CYFIP1: variants seen among roughly 807,000 people sequenced by gnomAD.
CYFIP1 encodes cytoplasmic FMR1 interacting protein 1.
In CYFIP1, 58 loss-of-function variants were observed where a neutral mutation model predicts 163.5. The observed-to-expected ratio is 0.35, with a 90% CI of 0.29 to 0.44. The LOEUF (loss-of-function observed/expected upper bound fraction) is 0.44. CYFIP1 is among the 20% of genes least tolerant of loss of function. The probability of loss-of-function intolerance (pLI) is 1.00; values close to 1 mark genes in which losing one functional copy is unlikely to be tolerated. For missense variants in CYFIP1, 1,338 were observed against 1,653.8 expected, an observed-to-expected ratio of 0.81 and a Z score of 3.31; for synonymous variants, 663 against 660.7, an observed-to-expected ratio of 1.00 and a Z score of -0.05.
chr15:22,968,556 C>T (rs2062987601), intron 1 of CYFIP1, among the ~76,000 whole-genome samples: 1 of 152,184 alleles, frequency 6.6e-6, no homozygotes, highest in Non-Finnish European at 1.5e-5. Context: ...TCTAGACGCA[C>T]ATCCACACGT....
At chr15:22,941,303 C>T (rs2061885853) in intron 6 of CYFIP1, among the ~76,000 whole-genome samples, 1 of 152,062 alleles carries the variant, frequency 6.6e-6, no homozygotes, top group Admixed American at 6.6e-5. Context: ...CTCAAGTGAT[C>T]CTTCTGCCTC....
chr15:22,943,432 C>T, intron 5 of CYFIP1, 78 bp from the exon 6 acceptor site: 1 of 1,448,176 alleles, frequency 6.9e-7, no homozygotes, highest in African/African-American at 1.4e-5. Context: ...CAAGCACCTG[C>T]AGTCACTGCT....
intron 1 of CYFIP1, among the ~76,000 whole-genome samples, chr15:22,950,054 CTA>C (rs2062199879): frequency 6.6e-6 from 1 of 152,106 alleles, no homozygotes; most frequent in South Asian, 2.1e-4. Flanking sequence ...AAACAGAATA[CTA>C]TGTTTTTAAA....
intron 1 of CYFIP1, among the ~76,000 whole-genome samples, chr15:22,975,092 C>A: frequency 6.6e-6 from 1 of 152,218 alleles, no homozygotes; most frequent in East Asian, 1.9e-4. Context: ...ACAACATTTT[C>A]TTTTCTCTAG....
intron 23 of CYFIP1, among the ~76,000 whole-genome samples, chr15:22,887,683 A>G (rs1263618722): frequency 6.6e-6 from 1 of 152,162 alleles, no homozygotes; most frequent in East Asian, 1.9e-4. Flanking sequence ...CACATCCGAG[A>G]GACAACACAG....
chr15:22,942,721 T>C (rs1321596180), intron 6 of CYFIP1, among the ~76,000 whole-genome samples: 7 of 152,076 alleles, frequency 4.6e-5, no homozygotes, highest in Non-Finnish European at 8.8e-5. Context: ...CGTCTGCACA[T>C]TGCTGGGATG....
At chr15:22,892,083 G>A (rs1308917718) in intron 23 of CYFIP1, among the ~76,000 whole-genome samples, 1 of 152,178 alleles carries the variant, frequency 6.6e-6, no homozygotes, top group Admixed American at 6.5e-5. Flanking sequence ...AGACGCTTTC[G>A]CTCTTCACAG....
At chr15:22,892,063 C>T (rs866881847) in intron 23 of CYFIP1, among the ~76,000 whole-genome samples, 2 of 152,290 alleles carry the variant, frequency 1.3e-5, no homozygotes, top group Middle Eastern at 3.4e-3. Context: ...CACCGCAGCT[C>T]GCAGAGGGAA....
chr15:22,890,356 G>C (rs1484295433), intron 23 of CYFIP1, among the ~76,000 whole-genome samples: 1 of 150,238 alleles, frequency 6.7e-6, no homozygotes, highest in Non-Finnish European at 1.5e-5. Context: ...TTGCTAGAAA[G>C]AACATGGGAG....
intron 23 of CYFIP1, among the ~76,000 whole-genome samples, chr15:22,886,831 T>A (rs755817668): frequency 5.3e-5 from 8 of 152,228 alleles, no homozygotes; most frequent in African/African-American, 9.6e-5. Flanking sequence ...TCTTTTCTAC[T>A]GTTGCTGATT....
chr15:22,922,691 C>T (rs2061224951), intron 13 of CYFIP1, among the ~76,000 whole-genome samples: 1 of 152,150 alleles, frequency 6.6e-6, no homozygotes, highest in African/African-American at 2.4e-5. Context: ...GGAGCTAAAA[C>T]TATAAAACTT....
intron 23 of CYFIP1, among the ~76,000 whole-genome samples, chr15:22,888,910 A>G (rs1013365288): frequency 5.3e-5 from 8 of 151,724 alleles, no homozygotes; most frequent in Non-Finnish European, 1.2e-4. Context: ...GCGTGGTGGC[A>G]CACTCCTGTA....
Position 22,867,660 on chromosome 15 carries a change from A to AAAT in CYFIP1, c.*2365_*2367dup, listed in dbSNP as rs751724856. The AAAT allele has an allele frequency of 1.3e-5, 2 of 149,778 alleles. No individual in the cohort carries two copies. Among genetic ancestry groups the AAAT allele is most frequent in the Non-Finnish European group, 2.9e-5 (2 of 67,938 alleles). 9.3% of individuals were successfully genotyped at this position (149,778 alleles called of 1,614,324 possible). A position where few individuals can be genotyped will look rare whatever the true frequency, so the allele number is the denominator to read the frequency against. ...CATTTAGACTTTGAACAGCTCTGGG[A>AAAT]AATAGAAGACTAGGGTTGTTTCTTA... On this transcript the variant is annotated 3_prime_UTR_variant, in exon 31 of 31. Transcript: ENST00000617928.
intron 23 of CYFIP1, among the ~76,000 whole-genome samples, chr15:22,883,682 T>C (rs191793894): frequency 1.3e-5 from 2 of 151,860 alleles, no homozygotes; most frequent in Admixed American, 1.3e-4. Context: ...CCGGGCGTGG[T>C]GGCAGGTGCC....
rs1477950764 is a variant in CYFIP1 at position 22,868,329 on chromosome 15, G to C, written c.*1699C>G. On this transcript the variant is annotated 3_prime_UTR_variant, in exon 31 of 31. Transcript: ENST00000617928. ...AAGAACCAGTTTTCTCCCCCTTGAG[G>C]ACAGAGACTCATTTGAACATGCATA... 1.3e-5 allele frequency: 2 copies of C among 152,122 alleles called. No homozygotes were observed. The highest frequency in any genetic ancestry group is 4.8e-5 in the African/African-American group (2 of 41,408). The allele number at this position is 152,122 out of a possible 1,614,324, so 9.4% of individuals were successfully genotyped here. A position where few individuals can be genotyped will look rare whatever the true frequency, so the allele number is the denominator to read the frequency against.
chr15:22,967,154 G>A (rs1237125241), intron 1 of CYFIP1, among the ~76,000 whole-genome samples: 1 of 152,216 alleles, frequency 6.6e-6, no homozygotes, highest in Non-Finnish European at 1.5e-5. Context: ...TGGGACACGG[G>A]ACAAGGAGGC....
intron 6 of CYFIP1, among the ~76,000 whole-genome samples, chr15:22,942,847 C>CAGAT (rs1262230219): frequency 6.6e-6 from 1 of 152,222 alleles, no homozygotes; most frequent in African/African-American, 2.4e-5. Context: ...CTCCCTGAGC[C>CAGAT]AGATGCCTGT....
At chr15:22,918,543 T>C (rs1340764637) in intron 14 of CYFIP1, 149 bp downstream of exon 14, 1 of 719,932 alleles carries the variant, frequency 1.4e-6, no homozygotes, top group Non-Finnish European at 2.1e-6. Flanking sequence ...CATGCATTAC[T>C]TTTAGAGGTA....
intron 10 of CYFIP1, 63 bp downstream of exon 10, chr15:22,933,739 T>G (rs1475214489): frequency 8.0e-7 from 1 of 1,245,364 alleles, no homozygotes; most frequent in African/African-American, 1.5e-5. Flanking sequence ...GCAGGATGTT[T>G]GAAAACCGCA....
Sources: allele counts gnomAD v4.1 joint callset (sites outside exome capture counted in the v4.1 genomes callset), GRCh38; gene constraint gnomAD v4.1.1; transcripts MANE v1.5; gene names NCBI Gene and HGNC (gene_info 2026-07-23, HGNC 2026-07-21).